LCTL: variants seen among roughly 807,000 people sequenced by gnomAD.
LCTL encodes lactase-like protein.
In LCTL, 76 loss-of-function variants were observed where a neutral mutation model predicts 75.8. The ratio of observed to expected loss-of-function variants is 1.00; its 90% CI spans 0.83 to 1.21. The LOEUF is 1.21. LCTL is among the 50% of genes most tolerant of loss of function. The probability of loss-of-function intolerance (pLI) is 0.00; values close to 1 mark genes in which losing one functional copy is unlikely to be tolerated. For missense variants in LCTL, 670 were observed against 712.4 expected (o/e 0.94, Z 0.68); for synonymous variants, 271 against 268.8 (o/e 1.01, Z -0.08).
rs141640858 is a variant in LCTL at position 66,565,302 on chromosome 15, C to A, written c.64G>T (p.Ala22Ser). The change falls in exon 1 of 13, where the codon GCC (alanine) becomes TCC (serine). Residue 22 changes from alanine (A) to serine (S), a missense_variant. Transcript: ENST00000341509. The stretch of plus-strand genomic sequence containing the variant: ...GCCTCTTCTGGGGACCCCTTCCGGG[C>A]GGCCCCCAGCCTGGGCACCAGCAGT... 1.9e-6 allele frequency: 3 copies of A among 1,613,630 alleles called. No homozygotes were observed. Among genetic ancestry groups the A allele is most frequent in the Non-Finnish European group, 1.7e-6 (2 of 1,179,784 alleles).
At chr15:66,554,572 G>C (rs1245868002) in intron 8 of LCTL, among the ~76,000 whole-genome samples, 1 of 152,216 alleles carries the variant, frequency 6.6e-6, no homozygotes, top group African/African-American at 2.4e-5. Flanking sequence ...AAAAGCATAT[G>C]TCCTTTCATT....
exon 9 of LCTL, chr15:66,553,045 A>G: frequency 1.9e-6 from 3 of 1,589,824 alleles, no homozygotes; most frequent in Non-Finnish European, 2.6e-6. Flanking sequence ...TTTAGACCCC[A>G]GATCTGGCCA....
intron 6 of LCTL, among the ~76,000 whole-genome samples, chr15:66,560,647 G>T (rs1040853345): frequency 2.6e-5 from 4 of 152,130 alleles, no homozygotes; most frequent in Admixed American, 2.6e-4. Context: ...TCCTCTTACT[G>T]CTGTCCTTGA....
intron 11 of LCTL, among the ~76,000 whole-genome samples, chr15:66,551,230 C>G (rs1018682185): frequency 1.2e-4 from 18 of 150,866 alleles, no homozygotes; most frequent in African/African-American, 4.4e-4. Flanking sequence ...CCCTGTAATC[C>G]CAGCTACTCA....
chr15:66,551,853 C>A (rs1162634155), exon 11 of LCTL: 1 of 1,608,878 alleles, frequency 6.2e-7, no homozygotes, highest in Non-Finnish European at 8.5e-7. Context: ...TTAGCACCAT[C>A]TTTTATAGCT....
chr15:66,549,913 C>A, intron 12 of LCTL, 128 bp downstream of exon 13: 2 of 531,566 alleles, frequency 3.8e-6, no homozygotes, highest in Non-Finnish European at 6.4e-6. Flanking sequence ...TCAAAGAAAC[C>A]TGATTTTAAT....
At chr15:66,552,192 A>G in intron 9 of LCTL, 23 bp from the exon 11 acceptor site, 2 of 1,595,624 alleles carry the variant, frequency 1.3e-6, no homozygotes, top group Non-Finnish European at 8.5e-7. Context: ...CATAGCAACA[A>G]ATATCTTAAA....
At chr15:66,548,339 C>G in exon 13 of LCTL, 1 of 411,218 alleles carries the variant, frequency 2.4e-6, no homozygotes, top group Non-Finnish European at 4.3e-6. Flanking sequence ...TTTTCTAATT[C>G]TTAAATCCCA....
rs529631171 is a variant in LCTL at position 66,562,567 on chromosome 15, C to T, written c.480+949G>A. Among the ~76,000 whole-genome samples the T allele has an allele frequency of 2.8e-4, 43 of 151,716 alleles. No individual in the cohort carries two copies. In the South Asian group the frequency reaches 4.2e-3, roughly 15 times the overall value. ...TTGTAGAAAAAAGGCTAAACTTGTT[C>T]ATTATGCTATGTCGCCAGATCTTTT... On this transcript the variant is annotated intron_variant, in intron 4 of 12. Coordinates refer to ENST00000341509, the Ensembl canonical transcript of LCTL.
intron 6 of LCTL, 30 bp from the exon 8 acceptor site, chr15:66,558,066 T>C (rs1473591066): frequency 1.3e-6 from 2 of 1,568,198 alleles, no homozygotes; most frequent in South Asian, 1.2e-5. Flanking sequence ...TCATCGTAGG[T>C]ACCTGGCCCA....
At position 66,550,130 on chromosome 15, in the gene LCTL, A is replaced by G. The variant is rs771010108; in HGVS notation, c.1525-26T>C. The G allele has an allele frequency of 4.0e-6, 6 of 1,495,680 alleles. No homozygotes were observed. The African/African-American group carries it at 4.2e-5, about 10-fold the overall frequency. The allele number at this position is 1,495,680 out of a possible 1,614,324, so 92.7% of individuals were successfully genotyped here. ...CTAATAAAAACCCACTTGATAAGTA[A>G]TGTTGTCTTAGACTAATTTTTTGCT... On this transcript the variant is annotated intron_variant, in intron 11 of 12. Transcript: ENST00000341509.
At position 66,550,944 on chromosome 15, in the gene LCTL, G is replaced by T. The variant is rs149687914; in HGVS notation, c.1524+718C>A. The stretch of plus-strand genomic sequence containing the variant: ...ATTTTGAAGCCAGTGTGTGTGTATG[G>T]CTCTGCTGCTTGGCTGGAAAATAGA... On this transcript the variant is annotated intron_variant, in intron 11 of 12. Transcript: ENST00000341509. 2.2e-4 allele frequency among the ~76,000 whole-genome samples: 33 copies of T among 152,208 alleles called. No homozygotes were observed. The East Asian group carries it at 4.6e-3, about 21-fold the overall frequency.
chr15:66,561,269 T>C (rs2140849897), exon 5 of LCTL: 3 of 1,614,210 alleles, frequency 1.9e-6, no homozygotes, highest in East Asian at 2.2e-5. Flanking sequence ...TCTGAAGTAG[T>C]TGGCCATGCT....
At position 66,563,869 on chromosome 15, in the gene LCTL, A is replaced by G. The variant is rs747779509; in HGVS notation, c.370+42T>C. 5 of 1,491,158 alleles carry G rather than the reference A, an allele frequency of 3.4e-6. No homozygotes were observed. The African/African-American group carries it at 5.5e-5, about 17-fold the overall frequency. The allele number at this position is 1,491,158 out of a possible 1,614,324, so 92.4% of individuals were successfully genotyped here. A position where few individuals can be genotyped will look rare whatever the true frequency, so the allele number is the denominator to read the frequency against. On this transcript the variant is annotated intron_variant, in intron 3 of 12. Transcript: ENST00000341509. ...GCCCCTGCAAAGCCAACATTGCCGG[A>G]AGGGGCCTCACTTGGGTTCAAGAGG... is the stretch of plus-strand genomic sequence containing the variant.
chr15:66,551,848 A>G lies in LCTL; in HGVS notation c.1338T>C (p.Gly446=), dbSNP rs763530615. 2.5e-6 allele frequency: 4 copies of G among 1,611,470 alleles called. No homozygotes were observed. The South Asian group carries it at 4.4e-5, about 18-fold the overall frequency. ...AGGAAGTATACCCCTTTATATTAGC[A>G]CCATCTTTTATAGCTGCAAAGACAT... is the stretch of plus-strand genomic sequence containing the variant. Residue 446 remains glycine (G), a synonymous_variant, in exon 11 of 13, where the codon GGT becomes GGC. Transcript: ENST00000341509.
At chr15:66,563,299 T>C (rs868824818) in intron 4 of LCTL, among the ~76,000 whole-genome samples, 4 of 152,198 alleles carry the variant, frequency 2.6e-5, no homozygotes, top group Non-Finnish European at 4.4e-5. Context: ...ATTCCCGTTC[T>C]TTACAAGTTA....
At position 66,563,603 on chromosome 15, in the gene LCTL, TC is replaced by T; in HGVS notation, c.392del (p.Gly131GlufsTer13). 6.2e-7 allele frequency: 1 copy of T among 1,610,824 alleles called. No individual in the cohort carries two copies. Among genetic ancestry groups the T allele is most frequent in the Non-Finnish European group, 8.5e-7 (1 of 1,178,310 alleles). ...CGATAAGATCACTGTAGAATTCGAT[TC>T]CCTTCTTGTTCACCTGCTCGGCTGC... On this transcript the variant is annotated frameshift_variant, in exon 4 of 13. Transcript: ENST00000341509. LOFTEE classifies it high-confidence loss of function.
At chr15:66,556,383 C>A (rs1406391075) in intron 8 of LCTL, among the ~76,000 whole-genome samples, 5 of 152,286 alleles carry the variant, frequency 3.3e-5, no homozygotes, top group African/African-American at 1.2e-4. Context: ...CGGCCCACTG[C>A]AACCTCCACC....
At chr15:66,561,144 G>T in intron 5 of LCTL, 43 bp from the exon 7 acceptor site, 6 of 1,614,098 alleles carry the variant, frequency 3.7e-6, no homozygotes, top group Non-Finnish European at 5.1e-6. Context: ...ATAAGAAGTG[G>T]CAGGGAGTGT....
Sources: gnomAD v4.1 joint callset for allele counts (sites outside exome capture counted in the v4.1 genomes callset) on GRCh38, gnomAD v4.1.1 for gene constraint, MANE v1.5 for transcripts, NCBI Gene and HGNC (gene_info 2026-07-23, HGNC 2026-07-21) for gene names.